SUMF1: variants seen among roughly 807,000 people sequenced by gnomAD.
SUMF1 encodes the protein sulfatase modifying factor 1.
SUMF1 carries 48 observed loss-of-function variants against 47.6 expected under a neutral mutation model. The ratio of observed to expected loss-of-function variants is 1.01; its 90% CI spans 0.80 to 1.28. The LOEUF is 1.28. Ranked by LOEUF, SUMF1 falls within the 50% of genes most tolerant of loss-of-function variation. The pLI, the probability that SUMF1 is intolerant of heterozygous loss-of-function variation, is 0.00. For synonymous variants in SUMF1, 230 were observed against 192.1 expected (o/e 1.20, Z -1.63); for missense variants, 571 against 485.4 (o/e 1.18, Z -1.66).
chr3:4,102,109 G>C (rs1484420156), intron 8 of SUMF1, among the ~76,000 whole-genome samples: 1 of 152,154 alleles, frequency 6.6e-6, no homozygotes, highest in African/African-American at 2.4e-5. Context: ...TCCATCCCAC[G>C]ATATGTGGAG....
At chr3:4,280,134 A>T (rs1406673230) in intron 8 of SUMF1, among the ~76,000 whole-genome samples, 2 of 152,168 alleles carry the variant, frequency 1.3e-5, no homozygotes, top group African/African-American at 4.8e-5. Flanking sequence ...TACAGATGTT[A>T]ATTAGTTCTC....
intron 8 of SUMF1, among the ~76,000 whole-genome samples, chr3:4,133,420 T>C (rs992535446): frequency 6.6e-6 from 1 of 152,164 alleles, no homozygotes; most frequent in African/African-American, 2.4e-5. Flanking sequence ...GAACTTGTGA[T>C]AGTTAATACT....
intron 8 of SUMF1, among the ~76,000 whole-genome samples, chr3:4,202,006 T>C (rs537282426): frequency 1.3e-5 from 2 of 152,124 alleles, no homozygotes; most frequent in South Asian, 2.1e-4. Context: ...TGGTTATTAA[T>C]TGCTTGTCAG....
chr3:4,199,820 T>G lies in SUMF1; in HGVS notation c.1015-131075A>C, dbSNP rs188533346. ...TTTTGCCTATTTTTTAATTGGATTATGAATCTTCAGGTTATTTAATTGTAA... is the reference window on the plus strand; with the variant it reads ...TTTTGCCTATTTTTTAATTGGATTAGGAATCTTCAGGTTATTTAATTGTAA... On this transcript the variant is annotated intron_variant and NMD_transcript_variant, in intron 8 of 12. Coordinates refer to the SUMF1 transcript ENST00000448413. Among the ~76,000 whole-genome samples, 78 of 152,256 alleles carry G rather than the reference T, an allele frequency of 5.1e-4. 1 individual carries two copies. The East Asian group carries it at 0.015, about 29-fold the overall frequency.
chr3:4,318,069 A>G (rs1057351549), intron 8 of SUMF1, among the ~76,000 whole-genome samples: 3 of 152,140 alleles, frequency 2.0e-5, no homozygotes, highest in Non-Finnish European at 4.4e-5. Context: ...ATACACACAC[A>G]CACGAGTTAA....
chr3:4,466,168 G>A (rs1389346391), intron 1 of SUMF1, among the ~76,000 whole-genome samples: 3 of 152,002 alleles, frequency 2.0e-5, no homozygotes, highest in Non-Finnish European at 4.4e-5. Flanking sequence ...CTGGAGTGCA[G>A]TGGCAAGATC....
At position 4,342,964 on chromosome 3, in the gene SUMF1, T is replaced by TA. The variant is rs765738474; in HGVS notation, c.1014+33365dup. 2.2e-4 allele frequency among the ~76,000 whole-genome samples: 34 copies of TA among 152,206 alleles called. 1 individual carries two copies. Among genetic ancestry groups the TA allele is most frequent in the Admixed American group, 1.3e-4 (2 of 15,282 alleles). On this transcript the variant is annotated intron_variant and NMD_transcript_variant, in intron 8 of 12. Transcript: ENST00000448413. ...TAATGTAACTAAAGCTCCCAAGGGA[T>TA]AAAAAAGCCCCACGGCTCAGGGGAT...
At chr3:4,266,728 C>A (rs1697202280) in intron 8 of SUMF1, among the ~76,000 whole-genome samples, 1 of 149,838 alleles carries the variant, frequency 6.7e-6, no homozygotes, top group South Asian at 2.2e-4. Context: ...CCTTCTCCTG[C>A]CTAATTGCCC....
At chr3:4,239,220 C>A (rs1696481798) in intron 8 of SUMF1, among the ~76,000 whole-genome samples, 1 of 152,094 alleles carries the variant, frequency 6.6e-6, no homozygotes, top group Non-Finnish European at 1.5e-5. Context: ...ATGCCTCCAG[C>A]TTTGTTCTTT....
rs191118365 is a variant in SUMF1, at chr3:4,173,810, A to G, written c.1015-105065T>C. 3.5e-4 allele frequency among the ~76,000 whole-genome samples: 53 copies of G among 152,238 alleles called. No individual in the cohort carries two copies. In the East Asian group the frequency reaches 7.7e-3, roughly 22 times the overall value. Reference sequence around the variant, plus strand: ...AATCAAACACCGCATGTCCCCACTCATAAGTGGGAGTTGAACAATAAGAAC... The same window carrying G: ...AATCAAACACCGCATGTCCCCACTCGTAAGTGGGAGTTGAACAATAAGAAC... On this transcript the variant is annotated intron_variant and NMD_transcript_variant, in intron 8 of 12. Coordinates refer to the SUMF1 transcript ENST00000448413.
intron 7 of SUMF1, among the ~76,000 whole-genome samples, chr3:4,404,071 C>T (rs770235555): frequency 2.0e-5 from 3 of 152,200 alleles, no homozygotes; most frequent in South Asian, 2.1e-4. Context: ...GTCTGGATAA[C>T]GTGTTTGAAA....
rs148934095 is a variant in SUMF1, at chr3:4,091,285, C to T, written c.1015-22540G>A. 2.3e-3 allele frequency among the ~76,000 whole-genome samples: 351 copies of T among 152,170 alleles called. 6 individuals carry two copies. Among genetic ancestry groups the T allele is most frequent in the African/African-American group, 8.0e-3 (331 of 41,482 alleles). ...AAGTGAAGACTTACTGTGGTATCTTCCCAAAAGACAGCACACTCCTTCACC... is the reference window on the plus strand; with the variant it reads ...AAGTGAAGACTTACTGTGGTATCTTTCCAAAAGACAGCACACTCCTTCACC... On this transcript the variant is annotated intron_variant and NMD_transcript_variant, in intron 8 of 12. Transcript: ENST00000448413.
intron 8 of SUMF1, among the ~76,000 whole-genome samples, chr3:4,150,413 T>A (rs1018610645): frequency 1.3e-5 from 2 of 151,054 alleles, no homozygotes; most frequent in African/African-American, 4.9e-5. Flanking sequence ...ACACAAAAAA[T>A]TAGCCAGGTG....
intron 8 of SUMF1, among the ~76,000 whole-genome samples, chr3:4,329,510 C>A (rs944327059): frequency 1.1e-4 from 16 of 152,350 alleles, no homozygotes; most frequent in Admixed American, 3.3e-4. Context: ...TCTATGTTGG[C>A]CCCTTTTAGC....
chr3:4,303,447 A>C (rs769305635), intron 8 of SUMF1: 1 of 1,547,416 alleles, frequency 6.5e-7, no homozygotes, highest in South Asian at 1.2e-5. Flanking sequence ...GCCCCGACTG[A>C]GCAGCTGGAT....
intron 8 of SUMF1, among the ~76,000 whole-genome samples, chr3:4,342,895 T>G (rs576503090): frequency 6.6e-6 from 1 of 152,308 alleles, no homozygotes; most frequent in South Asian, 2.1e-4. Flanking sequence ...TTCCTCTTTC[T>G]CCTACAGGAG....
At chr3:4,050,330 T>G (rs1005398838) in intron 9 of SUMF1, among the ~76,000 whole-genome samples, 4 of 152,024 alleles carry the variant, frequency 2.6e-5, no homozygotes, top group African/African-American at 9.7e-5. Flanking sequence ...AATCTATTGT[T>G]ATAAAATCAC....
At chr3:4,319,874 A>G (rs978332615) in intron 8 of SUMF1, among the ~76,000 whole-genome samples, 4 of 152,212 alleles carry the variant, frequency 2.6e-5, no homozygotes, top group African/African-American at 9.6e-5. Flanking sequence ...CCTTAAATGC[A>G]TACTGTTAAG....
chr3:4,070,849 T>C (rs1486922857), intron 8 of SUMF1, among the ~76,000 whole-genome samples: 2 of 152,014 alleles, frequency 1.3e-5, no homozygotes, highest in Admixed American at 6.6e-5. Flanking sequence ...GTCAGGATGG[T>C]CTCAATCTCT....
Sources: gnomAD v4.1 joint callset for allele counts (sites outside exome capture counted in the v4.1 genomes callset) on GRCh38, gnomAD v4.1.1 for gene constraint, MANE v1.5 for transcripts, NCBI Gene and HGNC (gene_info 2026-07-23, HGNC 2026-07-21) for gene names.